TRAPPC9: variants seen among roughly 807,000 people sequenced by gnomAD.
TRAPPC9 encodes IKK2 binding protein.
In TRAPPC9, 83 loss-of-function variants were observed where a neutral mutation model predicts 124.0. That is an observed-to-expected ratio of 0.67 (90% confidence interval 0.56 to 0.80). The LOEUF (loss-of-function observed/expected upper bound fraction) is 0.80. Ranked by LOEUF, TRAPPC9 falls within the 30% of genes least tolerant of loss-of-function variation. The probability of loss-of-function intolerance (pLI) is 0.00; values close to 1 mark genes in which losing one functional copy is unlikely to be tolerated. For synonymous variants in TRAPPC9, 638 were observed against 617.5 expected, an observed-to-expected ratio of 1.03 and a Z score of -0.49; for missense variants, 1,302 against 1,508.3, an observed-to-expected ratio of 0.86 and a Z score of 2.27.
chr8:140,456,427 A>G (rs200110290), intron 1 of TRAPPC9, among the ~76,000 whole-genome samples: 2 of 147,214 alleles, frequency 1.4e-5, no homozygotes, highest in Non-Finnish European at 3.0e-5. Context: ...AAAAAAAAAA[A>G]GAAAAATCAC....
At position 140,284,073 on chromosome 8, in the gene TRAPPC9, C is replaced by A. The variant is rs372475821; in HGVS notation, c.1982-52G>T. Reference sequence around the variant, plus strand: ...TCCACTGGCAAGGCTTTGGGTCTCACGCCCACGGCTGAAGCAGTGCGAAGA... The same window carrying A: ...TCCACTGGCAAGGCTTTGGGTCTCAAGCCCACGGCTGAAGCAGTGCGAAGA... On this transcript the variant is annotated intron_variant, in intron 13 of 22. Transcript: ENST00000438773. The A allele has an allele frequency of 6.6e-5, 107 of 1,611,236 alleles. No individual in the cohort carries two copies. In the East Asian group the frequency reaches 2.3e-3, roughly 35 times the overall value.
intron 21 of TRAPPC9, among the ~76,000 whole-genome samples, chr8:139,875,982 C>T (rs985203666): frequency 2.0e-5 from 3 of 152,362 alleles, no homozygotes; most frequent in East Asian, 1.9e-4. Context: ...CTGCCACCAT[C>T]GGTGCGGCTG....
chr8:139,973,692 G>C (rs1587382193), intron 19 of TRAPPC9, among the ~76,000 whole-genome samples: 1 of 152,216 alleles, frequency 6.6e-6, no homozygotes, highest in East Asian at 1.9e-4. Flanking sequence ...AAACCACACT[G>C]AGCAGCACCA....
intron 14 of TRAPPC9, among the ~76,000 whole-genome samples, chr8:140,280,054 C>T (rs899606863): frequency 5.9e-5 from 9 of 152,344 alleles, no homozygotes; most frequent in East Asian, 1.9e-4. Context: ...TTTCGTTGGG[C>T]GGCTGGTGCC....
chr8:139,756,869 G>A (rs1819853111), intron 21 of TRAPPC9, among the ~76,000 whole-genome samples: 3 of 134,692 alleles, frequency 2.2e-5, no homozygotes, highest in Admixed American at 7.4e-5. Flanking sequence ...GATTGGGGAT[G>A]AGGACAGCAG....
chr8:140,312,589 C>T (rs1363415753), intron 9 of TRAPPC9, among the ~76,000 whole-genome samples: 1 of 152,008 alleles, frequency 6.6e-6, no homozygotes, highest in East Asian at 1.9e-4. Context: ...CTGGAGTGGA[C>T]AAAGAGCAGG....
chr8:140,106,257 C>A (rs2060662419), intron 17 of TRAPPC9, among the ~76,000 whole-genome samples: 1 of 152,178 alleles, frequency 6.6e-6, no homozygotes, highest in Non-Finnish European at 1.5e-5. Flanking sequence ...AGAATCAACA[C>A]CAGGTTCGCA....
chr8:140,283,869 G>T lies in TRAPPC9; in HGVS notation c.2114+20C>A. ...TGATGCCTCAGAGCCACTCTGCTCT[G>T]TGACCCTCGTGCACACTACCTGGGC... On this transcript the variant is annotated intron_variant, in intron 14 of 22. Transcript: ENST00000438773. 1 of 1,613,590 alleles carries T rather than the reference G, an allele frequency of 6.2e-7. No individual in the cohort carries two copies. The highest frequency in any genetic ancestry group is 8.5e-7 in the Non-Finnish European group (1 of 1,179,874).
At chr8:139,815,522 G>T (rs1220300987) in intron 21 of TRAPPC9, among the ~76,000 whole-genome samples, 1 of 152,048 alleles carries the variant, frequency 6.6e-6, no homozygotes, top group Non-Finnish European at 1.5e-5. Context: ...CAAGTGGCTG[G>T]GATTACAGAC....
At chr8:139,846,638 C>T (rs1827102930) in intron 21 of TRAPPC9, among the ~76,000 whole-genome samples, 1 of 152,252 alleles carries the variant, frequency 6.6e-6, no homozygotes, top group Non-Finnish European at 1.5e-5. Flanking sequence ...TCTAGTCAAT[C>T]AGCATCAGCA....
At chr8:140,380,796 T>C (rs1314527810) in intron 7 of TRAPPC9, among the ~76,000 whole-genome samples, 1 of 151,898 alleles carries the variant, frequency 6.6e-6, no homozygotes, top group African/African-American at 2.4e-5. Flanking sequence ...GAAATCTTAA[T>C]GACCTCGGGT....
At chr8:139,986,440 C>A (rs1837243313) in intron 19 of TRAPPC9, among the ~76,000 whole-genome samples, 1 of 152,092 alleles carries the variant, frequency 6.6e-6, no homozygotes, top group Non-Finnish European at 1.5e-5. Flanking sequence ...GCTATTTTTA[C>A]TTTTATTTTT....
intron 5 of TRAPPC9, among the ~76,000 whole-genome samples, chr8:140,414,867 CA>C (rs1168626744): frequency 3.9e-5 from 6 of 151,982 alleles, no homozygotes; most frequent in African/African-American, 1.4e-4. Flanking sequence ...TCAGCCTCCC[CA>C]GGAGCTGGGA....
intron 17 of TRAPPC9, among the ~76,000 whole-genome samples, chr8:140,217,973 C>A (rs565626345): frequency 6.6e-6 from 1 of 151,750 alleles, no homozygotes; most frequent in Admixed American, 6.6e-5. Context: ...GCCGAGATCG[C>A]GCCACTGCAC....
chr8:140,025,502 T>G, intron 17 of TRAPPC9, among the ~76,000 whole-genome samples: 1 of 145,270 alleles, frequency 6.9e-6, no homozygotes, highest in Non-Finnish European at 1.5e-5. Flanking sequence ...TAGGAACAAA[T>G]CTTCATGACC....
chr8:140,158,808 T>C lies in TRAPPC9; in HGVS notation c.2556+62651A>G, dbSNP rs62529271. On this transcript the variant is annotated intron_variant, in intron 17 of 22. Coordinates refer to ENST00000438773, the MANE Select transcript of TRAPPC9 (RefSeq NM_001160372.4). ...AACATTGTCTTGAGCATCTACTATA[T>C]GCCAAACACTACCCTGGATTCATAT... Among the ~76,000 whole-genome samples the C allele has an allele frequency of 9.6e-3, 1,464 of 152,276 alleles. 12 individuals carry two copies. The highest frequency in any genetic ancestry group is 0.014 in the Non-Finnish European group (985 of 68,016).
chr8:139,972,598 A>G (rs907494411), intron 19 of TRAPPC9, among the ~76,000 whole-genome samples: 4 of 152,120 alleles, frequency 2.6e-5, no homozygotes, highest in Admixed American at 2.6e-4. Context: ...TACAACTCAC[A>G]CAAGACACGA....
At chr8:139,880,938 G>A (rs538925055) in intron 21 of TRAPPC9, 15 of 152,374 alleles carry the variant, frequency 9.8e-5, no homozygotes, top group African/African-American at 3.6e-4. Flanking sequence ...CACAGGGACA[G>A]GCTCACCTCC....
chr8:139,902,647 T>C (rs1831092128), intron 20 of TRAPPC9, among the ~76,000 whole-genome samples: 1 of 152,246 alleles, frequency 6.6e-6, no homozygotes, highest in South Asian at 2.1e-4. Context: ...TGCTATGTTT[T>C]AAAAGAATCT....
Sources: allele counts gnomAD v4.1 joint callset (sites outside exome capture counted in the v4.1 genomes callset), GRCh38; gene constraint gnomAD v4.1.1; transcripts MANE v1.5; gene names NCBI Gene and HGNC (gene_info 2026-07-23, HGNC 2026-07-21).